Variants in PAX5 observed in about 807,000 individuals in gnomAD.
PAX5 encodes the protein paired box protein Pax-5.
PAX5 carries 9 observed loss-of-function variants against 43.7 expected under a neutral mutation model. The ratio of observed to expected loss-of-function variants is 0.21; its 90% confidence interval spans 0.12 to 0.36. The LOEUF (loss-of-function observed/expected upper bound fraction) is 0.36. Among genes scored for constraint, PAX5 ranks in the 10% least tolerant of loss-of-function variants. The pLI, the probability that PAX5 is intolerant of heterozygous loss-of-function variation, is 1.00. For synonymous variants in PAX5, 228 were observed against 214.3 expected, an observed-to-expected ratio of 1.06 and a Z score of -0.56; for missense variants, 383 against 532.7, an observed-to-expected ratio of 0.72 and a Z score of 2.77.
At chr9:36,996,020 C>G (rs1381451376) in intron 5 of PAX5, among the ~76,000 whole-genome samples, 1 of 152,246 alleles carries the variant, frequency 6.6e-6, no homozygotes, top group African/African-American at 2.4e-5. Context: ...CCTGGGGGCA[C>G]TGTTGTTCAG....
intron 5 of PAX5, among the ~76,000 whole-genome samples, chr9:36,996,224 G>A (rs369262210): frequency 3.3e-5 from 5 of 152,242 alleles, no homozygotes; most frequent in Admixed American, 2.0e-4. Context: ...AGGCCTCTCC[G>A]TGGCCATCTA....
intron 5 of PAX5, among the ~76,000 whole-genome samples, chr9:36,994,523 C>A (rs775435571): frequency 1.3e-5 from 2 of 152,226 alleles, no homozygotes; most frequent in Admixed American, 6.5e-5. Flanking sequence ...TCGGCCCCAC[C>A]GGCCAGTTCC....
intron 6 of PAX5, among the ~76,000 whole-genome samples, chr9:36,943,390 T>C (rs1180966087): frequency 6.6e-6 from 1 of 152,170 alleles, no homozygotes; most frequent in Non-Finnish European, 1.5e-5. Context: ...ATGCTTGGCC[T>C]CTAGGACACG....
At chr9:36,994,760 G>A (rs1410948536) in intron 5 of PAX5, among the ~76,000 whole-genome samples, 1 of 152,128 alleles carries the variant, frequency 6.6e-6, no homozygotes, top group Non-Finnish European at 1.5e-5. Flanking sequence ...CCCCAGGGTT[G>A]CCAGATCTGA....
chr9:36,943,541 C>CACACACAT (rs1832240516), intron 6 of PAX5, among the ~76,000 whole-genome samples: 3 of 151,750 alleles, frequency 2.0e-5, no homozygotes, highest in South Asian at 4.2e-4. Flanking sequence ...CACACACACA[C>CACACACAT]ACACACACAC....
At chr9:36,911,582 G>T (rs958623224) in intron 7 of PAX5, among the ~76,000 whole-genome samples, 1 of 152,194 alleles carries the variant, frequency 6.6e-6, no homozygotes, top group African/African-American at 2.4e-5. Context: ...TTTTTACAGC[G>T]CCTTTTGGCA....
At chr9:37,024,018 A>G (rs1840080647) in intron 1 of PAX5, among the ~76,000 whole-genome samples, 1 of 152,144 alleles carries the variant, frequency 6.6e-6, no homozygotes, top group Admixed American at 6.5e-5. Context: ...CTTCATTTTA[A>G]TGCCTTTGTC....
chr9:36,978,107 G>A (rs1353479637), intron 5 of PAX5, among the ~76,000 whole-genome samples: 3 of 152,244 alleles, frequency 2.0e-5, no homozygotes, highest in African/African-American at 7.2e-5. Flanking sequence ...GAAGAGATGG[G>A]ATTTCTCTGT....
chr9:36,885,832 A>C (rs1280494395), intron 7 of PAX5, among the ~76,000 whole-genome samples: 2 of 152,204 alleles, frequency 1.3e-5, no homozygotes, highest in Non-Finnish European at 2.9e-5. Flanking sequence ...AACACCAAAA[A>C]GTAGGAAGGA....
rs1477408856 is a variant in PAX5 at position 36,971,884 on chromosome 9, C to T, written c.605-5160G>A. Among the ~76,000 whole-genome samples the T allele has an allele frequency of 2.6e-5, 4 of 152,340 alleles. No individual in the cohort carries two copies. In the East Asian group the frequency reaches 5.8e-4, roughly 22 times the overall value. On this transcript the variant is annotated intron_variant, in intron 5 of 9. Coordinates refer to ENST00000358127, the MANE Select transcript of PAX5 (RefSeq NM_016734.3). Reference sequence around the variant, plus strand: ...GGAAGAAGCAAAATAGCCTCAGATTCCCATCTGTCAAGAGAAAGCTGTCTC... The same window carrying T: ...GGAAGAAGCAAAATAGCCTCAGATTTCCATCTGTCAAGAGAAAGCTGTCTC...
chr9:36,941,001 C>A (rs572841608), intron 6 of PAX5, among the ~76,000 whole-genome samples: 19 of 152,242 alleles, frequency 1.2e-4, no homozygotes, highest in Admixed American at 1.2e-3. Flanking sequence ...CAGGAACAGG[C>A]CCAGAAGCAC....
chr9:36,857,680 G>T (rs1347144149), intron 8 of PAX5, among the ~76,000 whole-genome samples: 7 of 152,204 alleles, frequency 4.6e-5, no homozygotes, highest in Non-Finnish European at 7.3e-5. Context: ...AGGCTGCATT[G>T]TTGAGTCAAA....
At chr9:36,862,388 C>A (rs1177966373) in intron 8 of PAX5, among the ~76,000 whole-genome samples, 2 of 152,152 alleles carry the variant, frequency 1.3e-5, no homozygotes, top group Non-Finnish European at 2.9e-5. Context: ...GCAGTCCGGC[C>A]TTCCTATTTC....
chr9:36,841,702 C>A (rs1267397785), intron 9 of PAX5, among the ~76,000 whole-genome samples: 1 of 152,164 alleles, frequency 6.6e-6, no homozygotes, highest in Non-Finnish European at 1.5e-5. Flanking sequence ...GCTGAGTGAG[C>A]AAACAATAGC....
chr9:36,888,994 C>T (rs1384720460), intron 7 of PAX5, among the ~76,000 whole-genome samples: 1 of 152,186 alleles, frequency 6.6e-6, no homozygotes, highest in East Asian at 1.9e-4. Context: ...GAGCATGGGG[C>T]TTTCTTTGAT....
chr9:37,024,285 T>C (rs1242051943), intron 1 of PAX5, among the ~76,000 whole-genome samples: 1 of 151,874 alleles, frequency 6.6e-6, no homozygotes, highest in Non-Finnish European at 1.5e-5. Flanking sequence ...TGGGGACTCC[T>C]CCAAACTCAG....
At chr9:36,889,564 G>A (rs1827190906) in intron 7 of PAX5, among the ~76,000 whole-genome samples, 1 of 152,164 alleles carries the variant, frequency 6.6e-6, no homozygotes, top group Non-Finnish European at 1.5e-5. Context: ...AGTCACAAAT[G>A]GACCCTTATC....
At chr9:36,930,851 T>G in intron 6 of PAX5, 2 of 1,306,948 alleles carry the variant, frequency 1.5e-6, no homozygotes, top group Non-Finnish European at 2.0e-6. Flanking sequence ...CCCAGGAGAG[T>G]GTGCACTGGG....
Position 37,007,403 on chromosome 9 carries a change from G to A in PAX5, c.411-866C>T, listed in dbSNP as rs983052624. On this transcript the variant is annotated intron_variant, in intron 3 of 9. Coordinates refer to ENST00000358127, the MANE Select transcript of PAX5 (RefSeq NM_016734.3). The stretch of plus-strand genomic sequence containing the variant: ...CCCGTACATAAAAGAGATAATAGCA[G>A]TACTGCCTTCCCTTGGCCATCTGAC... The A allele has an allele frequency of 2.0e-5, 3 of 152,224 alleles. No homozygotes were observed. The East Asian group carries it at 5.8e-4, about 29-fold the overall frequency. 9.4% of individuals were successfully genotyped at this position (152,224 alleles called of 1,614,324 possible).
Sources: allele counts gnomAD v4.1 joint callset (sites outside exome capture counted in the v4.1 genomes callset), GRCh38; gene constraint gnomAD v4.1.1; transcripts MANE v1.5; gene names NCBI Gene and HGNC (gene_info 2026-07-23, HGNC 2026-07-21).